Variants in CHRM1 observed in about 807,000 individuals in gnomAD.
CHRM1 encodes cholinergic receptor muscarinic 1.
A neutral mutation model predicts 31.6 loss-of-function variants in CHRM1; 5 were observed. The observed-to-expected ratio is 0.16, with a 90% CI of 0.08 to 0.33. The LOEUF is 0.33. Ranked by LOEUF, CHRM1 falls within the 10% of genes least tolerant of loss-of-function variation. CHRM1 has a pLI of 1.00. For missense variants in CHRM1, 338 were observed against 610.3 expected (o/e 0.55, Z 4.70); for synonymous variants, 227 against 249.7 (o/e 0.91, Z 0.86).
At position 62,910,249 on chromosome 11, in the gene CHRM1, G is replaced by T; in HGVS notation, c.852C>A (p.Ser284=). ...WKEEEEEDEG[S]MESLTSSEGE... Reference sequence around the variant, plus strand: ...CCTCTGAGGATGTGAGGGACTCCATGGAGCCTTCGTCCTCTTCCTCTTCTT... The same window carrying T: ...CCTCTGAGGATGTGAGGGACTCCATTGAGCCTTCGTCCTCTTCCTCTTCTT... The change falls in exon 2 of 2, where the codon TCC becomes TCA. Residue 284 remains serine (S), a synonymous_variant. Transcript: ENST00000306960. This position sits in a 1 kb window ranked among gnomAD's most constrained non-coding sequence, Gnocchi z 8.7. The T allele has an allele frequency of 6.2e-7, 1 of 1,613,366 alleles. No individual in the cohort carries two copies. The highest frequency in any genetic ancestry group is 8.5e-7 in the Non-Finnish European group (1 of 1,179,868).
At chr11:62,920,075 C>T (rs1187462106) in intron 1 of CHRM1, among the ~76,000 whole-genome samples, 5 of 152,202 alleles carry the variant, frequency 3.3e-5, no homozygotes, top group African/African-American at 9.6e-5. Flanking sequence ...ATCTCAGCCG[C>T]GATAGCGACT....
At chr11:62,916,660 C>G (rs2085901904) in intron 1 of CHRM1, among the ~76,000 whole-genome samples, 1 of 152,232 alleles carries the variant, frequency 6.6e-6, no homozygotes, top group Non-Finnish European at 1.5e-5. Flanking sequence ...CCCTTAATCA[C>G]AGGACACCTC....
chr11:62,909,578 G>C lies in CHRM1; in HGVS notation c.*140C>G, dbSNP rs559665715. 3 of 1,041,408 alleles carry C rather than the reference G, an allele frequency of 2.9e-6. No individual in the cohort carries two copies. The African/African-American group carries it at 4.8e-5, about 17-fold the overall frequency. The allele number at this position is 1,041,408 out of a possible 1,614,324, so 64.5% of individuals were successfully genotyped here. On this transcript the variant is annotated 3_prime_UTR_variant, in exon 2 of 2. Coordinates refer to ENST00000306960, the MANE Select transcript of CHRM1 (RefSeq NM_000738.3). Reference sequence around the variant, plus strand: ...TGGAAAGTTGGCAGGGTCTCTCTGGGCTGCCCAGGAAGGTGACCCAGGGTC... The same window carrying C: ...TGGAAAGTTGGCAGGGTCTCTCTGGCCTGCCCAGGAAGGTGACCCAGGGTC...
chr11:62,918,483 G>T (rs1192303112), intron 1 of CHRM1: 3 of 152,358 alleles, frequency 2.0e-5, no homozygotes, highest in East Asian at 3.9e-4. Context: ...CATCTCATCT[G>T]CCAGGTCCCT....
At chr11:62,918,950 G>A (rs923546614) in intron 1 of CHRM1, among the ~76,000 whole-genome samples, 21 of 152,078 alleles carry the variant, frequency 1.4e-4, no homozygotes, top group Admixed American at 5.9e-4. Context: ...AGGGAGGAGC[G>A]GAGCCATCTT....
At chr11:62,911,744 T>A (rs1486548264) in intron 1 of CHRM1, among the ~76,000 whole-genome samples, 1 of 152,060 alleles carries the variant, frequency 6.6e-6, no homozygotes, top group African/African-American at 2.4e-5. Flanking sequence ...GTAAGTATGA[T>A]AAGAACCCGC....
At chr11:62,915,426 C>T (rs1429520317) in intron 1 of CHRM1, among the ~76,000 whole-genome samples, 1 of 152,172 alleles carries the variant, frequency 6.6e-6, no homozygotes, top group Non-Finnish European at 1.5e-5. Context: ...TTCTCACTCA[C>T]CTCACCCTAA....
rs2085855474 is a variant in CHRM1 at position 62,909,504 on chromosome 11, GA to G, written c.*213del. On this transcript the variant is annotated 3_prime_UTR_variant, in exon 2 of 2. Coordinates refer to ENST00000306960, the MANE Select transcript of CHRM1 (RefSeq NM_000738.3). ...GCGCATTCCCACCCAGCAGGGAACA[GA>G]AAAACCAGTTCCCCGGGTTTCCCTC... 1 of 605,874 alleles carries G rather than the reference GA, an allele frequency of 1.7e-6. No homozygotes were observed. Among genetic ancestry groups the G allele is most frequent in the South Asian group, 2.2e-5 (1 of 46,154 alleles). 37.5% of individuals were successfully genotyped at this position (605,874 alleles called of 1,614,324 possible). A position where few individuals can be genotyped will look rare whatever the true frequency, so the allele number is the denominator to read the frequency against.
At chr11:62,914,913 G>A (rs567072054) in intron 1 of CHRM1, among the ~76,000 whole-genome samples, 2 of 152,300 alleles carry the variant, frequency 1.3e-5, no homozygotes, top group South Asian at 4.1e-4. Flanking sequence ...GGTGGCTCAC[G>A]CCTGTAATCC....
chr11:62,909,743 T>A lies in CHRM1; in HGVS notation c.1358A>T (p.His453Leu). The change falls in exon 2 of 2, where the codon CAC becomes CTC. Residue 453 changes from histidine to leucine, a missense_variant. Transcript: ENST00000306960. ...TCAGCATTGGCGGGAGGGAGTGCGG[T>A]GCACGGAGCCAGGGCGCTTGGGGAT... ...RKIPKRPGSV[H>L]RTPSRQC 6.2e-7 allele frequency: 1 copy of A among 1,613,898 alleles called. No individual in the cohort carries two copies. Among genetic ancestry groups the A allele is most frequent in the Non-Finnish European group, 8.5e-7 (1 of 1,179,824 alleles).
In CHRM1 at chr11:62,909,844, T is replaced by G; in HGVS notation, c.1257A>C (p.Ala419=). The G allele has an allele frequency of 6.2e-7, 1 of 1,614,092 alleles. No individual in the cohort carries two copies. The highest frequency in any genetic ancestry group is 8.5e-7 in the Non-Finnish European group (1 of 1,179,984). ...TGTCCCGGAAGGCTTTGTTGCAGAG[T>G]GCGTAGCACATGGGGTTGATGGTGC... ...VNSTINPMCY[A]LCNKAFRDTF... Residue 419 remains alanine (A), a synonymous_variant, in exon 2 of 2, where the codon GCA becomes GCC. Coordinates refer to ENST00000306960, the MANE Select transcript of CHRM1 (RefSeq NM_000738.3).
rs753608313 is a variant in CHRM1 at position 62,909,462 on chromosome 11, C to A, written c.*256G>T. The A allele has an allele frequency of 9.9e-5, 52 of 522,616 alleles. No homozygotes were observed. Among genetic ancestry groups the A allele is most frequent in the Admixed American group, 4.7e-4 (14 of 29,640 alleles). The allele number at this position is 522,616 out of a possible 1,614,324, so 32.4% of individuals were successfully genotyped here. On this transcript the variant is annotated 3_prime_UTR_variant, in exon 2 of 2. Transcript: ENST00000306960. The stretch of plus-strand genomic sequence containing the variant: ...CAAAGCCCGGATCCTCCTCCCGGGC[C>A]TTCTTCCTGGTGAAGAGCGCATTCC...
chr11:62,918,533 G>A (rs2085913152), intron 1 of CHRM1, among the ~76,000 whole-genome samples: 1 of 152,142 alleles, frequency 6.6e-6, no homozygotes, highest in African/African-American at 2.4e-5. Flanking sequence ...GAGAGCATAG[G>A]AGAAAAACAG....
At position 62,921,325 on chromosome 11, in the gene CHRM1, T is replaced by G. The variant is rs1447834198; in HGVS notation, c.-186A>C. The stretch of plus-strand genomic sequence containing the variant: ...CTGGCTCCCAGGGGGAGCTGCGCCC[T>G]GTGCTGGCAGCGGGAGAGGCACAGC... On this transcript the variant is annotated 5_prime_UTR_variant, in exon 1 of 2. Transcript: ENST00000306960. 6.6e-6 allele frequency: 1 copy of G among 152,200 alleles called. No individual in the cohort carries two copies. The highest frequency in any genetic ancestry group is 1.9e-4 in the East Asian group (1 of 5,166). The allele number at this position is 152,200 out of a possible 1,614,324, so 9.4% of individuals were successfully genotyped here. A position where few individuals can be genotyped will look rare whatever the true frequency, so the allele number is the denominator to read the frequency against.
intron 1 of CHRM1, among the ~76,000 whole-genome samples, chr11:62,912,701 G>A (rs1243905826): frequency 2.7e-5 from 4 of 150,486 alleles, no homozygotes; most frequent in Non-Finnish European, 5.9e-5. Context: ...AAAGGTCCAG[G>A]CAGCTCAGCC....
Position 62,910,673 on chromosome 11 carries a change from G to A in CHRM1, c.428C>T (p.Ala143Val), listed in dbSNP as rs2085865970. 10 of 1,614,052 alleles carry A rather than the reference G, an allele frequency of 6.2e-6. No individual in the cohort carries two copies. The highest frequency in any genetic ancestry group is 8.5e-6 in the Non-Finnish European group (10 of 1,180,038). Residue 143 changes from alanine to valine, a missense_variant, in exon 2 of 2, where the codon GCT becomes GTT. Ala to Val is a moderately conservative substitution (Grantham distance 64). This residue lies in a region of CHRM1 where 85 missense variants were observed against 257.7 expected (regional missense o/e 0.33). Coordinates refer to ENST00000306960, the MANE Select transcript of CHRM1 (RefSeq NM_000738.3). This position sits in a 1 kb window ranked among gnomAD's most constrained non-coding sequence, Gnocchi z 8.7. ...YRAKRTPRRA[A>V]LMIGLAWLVS... ...CAGCCAGGCCAGGCCGATCATCAGA[G>A]CTGCCCGGCGGGGTGTGCGCTTGGC...
rs755342464 is a variant in CHRM1 at position 62,910,549 on chromosome 11, G to C, written c.552C>G (p.Ser184=). The C allele has an allele frequency of 1.2e-6, 2 of 1,614,202 alleles. No homozygotes were observed. Among genetic ancestry groups the C allele is most frequent in the Non-Finnish European group, 1.7e-6 (2 of 1,180,028 alleles). ...LAGQCYIQFL[S]QPIITFGTAM... is the part of the protein sequence containing the mutation. ...CTGTGCCAAAGGTGATGATGGGCTG[G>C]GAGAGGAACTGGATGTAGCACTGCC... is the stretch of plus-strand genomic sequence containing the variant. Residue 184 remains serine, a synonymous_variant, in exon 2 of 2, where the codon TCC becomes TCG. Transcript: ENST00000306960. This position sits in a 1 kb window ranked among gnomAD's most constrained non-coding sequence, Gnocchi z 8.7.
At chr11:62,913,671 CAAAA>C (rs35385223) in intron 1 of CHRM1, among the ~76,000 whole-genome samples, 1 of 83,378 alleles carries the variant, frequency 1.2e-5, no homozygotes, top group East Asian at 3.5e-4. Context: ...AACTCTGTCT[CAAAA>C]AAAAAAAAAA....
chr11:62,912,902 G>A (rs1164031177), intron 1 of CHRM1, among the ~76,000 whole-genome samples: 3 of 152,250 alleles, frequency 2.0e-5, no homozygotes, highest in Non-Finnish European at 4.4e-5. Context: ...TGGGCACCTG[G>A]CCTGTGACAG....
Sources: allele counts gnomAD v4.1 joint callset (sites outside exome capture counted in the v4.1 genomes callset), GRCh38; gene constraint gnomAD v4.1.1; regional missense constraint gnomAD v4.1.1; non-coding constraint Gnocchi (gnomAD v3.1); transcripts MANE v1.5; gene names NCBI Gene and HGNC (gene_info 2026-07-23, HGNC 2026-07-21).